FSD1L: variants seen among roughly 807,000 people sequenced by gnomAD.
FSD1L encodes FSD1-like protein.
In FSD1L, 45 loss-of-function variants were observed where a neutral mutation model predicts 71.6. The observed-to-expected ratio is 0.63, with a 90% CI of 0.49 to 0.81. The LOEUF is 0.81. Ranked by LOEUF, FSD1L falls within the 30% of genes least tolerant of loss-of-function variation. The probability of loss-of-function intolerance (pLI) is 0.00; values close to 1 mark genes in which losing one functional copy is unlikely to be tolerated. For missense variants in FSD1L, 561 were observed against 618.1 expected (o/e 0.91, Z 0.98); for synonymous variants, 197 against 207.2 (o/e 0.95, Z 0.42).
chr9:105,538,754 A>T (rs1836424990), intron 12 of FSD1L, among the ~76,000 whole-genome samples: 1 of 152,188 alleles, frequency 6.6e-6, no homozygotes, highest in Non-Finnish European at 1.5e-5. Context: ...TATACAAAAT[A>T]GCAAGACCCC....
chr9:105,523,364 T>C (rs1835306044), intron 10 of FSD1L: 2 of 1,604,214 alleles, frequency 1.2e-6, no homozygotes, highest in Non-Finnish European at 1.7e-6. Context: ...ATCTAGAAAT[T>C]AGTGAATTTC....
upstream of FSD1L, among the ~76,000 whole-genome samples, chr9:105,446,783 T>C (rs1282391551): frequency 6.7e-6 from 1 of 150,336 alleles, no homozygotes; most frequent in Non-Finnish European, 1.5e-5. Flanking sequence ...CCTTGCCCAC[T>C]ACTGAATTTT....
intron 10 of FSD1L, among the ~76,000 whole-genome samples, chr9:105,514,255 G>C (rs146648558): frequency 6.6e-5 from 10 of 152,156 alleles, no homozygotes; most frequent in Non-Finnish European, 1.5e-4. Flanking sequence ...TGATTTTATA[G>C]TGTATTATAA....
intron 7 of FSD1L, among the ~76,000 whole-genome samples, chr9:105,494,502 G>C (rs1168056141): frequency 6.6e-6 from 1 of 152,166 alleles, no homozygotes; most frequent in Non-Finnish European, 1.5e-5. Flanking sequence ...CTCTCAACTC[G>C]TCAAAGTCAT....
chr9:105,505,386 G>A (rs1833994202), intron 7 of FSD1L, among the ~76,000 whole-genome samples: 1 of 152,126 alleles, frequency 6.6e-6, no homozygotes, highest in South Asian at 2.1e-4. Context: ...TCAGCCTCAT[G>A]AGTAGCTGGG....
At chr9:105,497,188 G>A (rs762725093) in intron 7 of FSD1L, among the ~76,000 whole-genome samples, 6 of 152,072 alleles carry the variant, frequency 3.9e-5, no homozygotes, top group South Asian at 2.1e-4. Context: ...TTCAAATGTC[G>A]AACCAGCCTG....
chr9:105,488,312 G>C (rs552562999), intron 7 of FSD1L, among the ~76,000 whole-genome samples: 1 of 152,074 alleles, frequency 6.6e-6, no homozygotes, highest in African/African-American at 2.4e-5. Flanking sequence ...CTTTTACTTA[G>C]TAATATGCAT....
intron 10 of FSD1L, among the ~76,000 whole-genome samples, chr9:105,533,744 C>G (rs1836077023): frequency 6.7e-6 from 1 of 148,348 alleles, no homozygotes; most frequent in Admixed American, 6.8e-5. Flanking sequence ...TTTTTTAAGA[C>G]AGAGTTTTGC....
chr9:105,481,139 C>CTGTG (rs1564098251), intron 6 of FSD1L, among the ~76,000 whole-genome samples: 7 of 75,464 alleles, frequency 9.3e-5, no homozygotes, highest in African/African-American at 4.4e-4. Flanking sequence ...TTCAGGCAAA[C>CTGTG]TCTGTGTGTG....
At chr9:105,468,904 C>CT (rs1831252415) in intron 4 of FSD1L, among the ~76,000 whole-genome samples, 1 of 152,140 alleles carries the variant, frequency 6.6e-6, no homozygotes, top group Non-Finnish European at 1.5e-5. Flanking sequence ...GCAAGTGAAA[C>CT]TTTATGTCCC....
intron 10 of FSD1L, chr9:105,526,400 C>G (rs909410806): frequency 2.5e-6 from 4 of 1,613,288 alleles, no homozygotes; most frequent in East Asian, 2.2e-5. Context: ...CCCAGAGATT[C>G]TACCCAGTGA....
rs181951283 is a variant in FSD1L at position 105,460,828 on chromosome 9, G to A, written c.16-692G>A. 2.5e-3 allele frequency among the ~76,000 whole-genome samples: 384 copies of A among 152,286 alleles called. 2 individuals carry two copies. The highest frequency in any genetic ancestry group is 3.8e-3 in the Non-Finnish European group (258 of 68,028). On this transcript the variant is annotated intron_variant, in intron 1 of 13. Coordinates refer to ENST00000481272, the MANE Select transcript of FSD1L (RefSeq NM_001145313.3). ...CTCTAACCCAAAACATGAGTGAACG[G>A]TGTAAATTTCACAGGAGAGAGGAGT...
intron 1 of FSD1L, among the ~76,000 whole-genome samples, chr9:105,455,060 A>G (rs193076541): frequency 1.3e-5 from 2 of 152,336 alleles, no homozygotes; most frequent in East Asian, 3.9e-4. Flanking sequence ...CTGATTATCT[A>G]GCTAACAGCT....
intron 7 of FSD1L, among the ~76,000 whole-genome samples, chr9:105,489,501 T>A (rs1269166091): frequency 1.3e-5 from 2 of 152,132 alleles, no homozygotes; most frequent in South Asian, 2.1e-4. Flanking sequence ...GTTTTATGTT[T>A]TTTTATTTTA....
In FSD1L at chr9:105,491,559, G is replaced by A. The variant is rs563662598; in HGVS notation, c.586+7057G>A. ...TGTTGAATAGGAGTGGTGAGAGAGG[G>A]CATCCCTGTCTTGTGCCAGTTTTCA... On this transcript the variant is annotated intron_variant, in intron 7 of 13. Coordinates refer to ENST00000481272, the MANE Select transcript of FSD1L (RefSeq NM_001145313.3). Among the ~76,000 whole-genome samples, 1,355 of 152,038 alleles carry A rather than the reference G, an allele frequency of 8.9e-3. 17 individuals carry two copies. Among genetic ancestry groups the A allele is most frequent in the African/African-American group, 0.031 (1,293 of 41,402 alleles).
At chr9:105,496,202 CTTTTTT>C (rs542818608) in intron 7 of FSD1L, among the ~76,000 whole-genome samples, 1 of 113,222 alleles carries the variant, frequency 8.8e-6, no homozygotes, top group Non-Finnish European at 1.8e-5. Flanking sequence ...ATGACTGTAG[CTTTTTT>C]TTTTTTTTTT....
At chr9:105,516,065 A>G (rs1256919044) in intron 10 of FSD1L, among the ~76,000 whole-genome samples, 1 of 152,146 alleles carries the variant, frequency 6.6e-6, no homozygotes, top group African/African-American at 2.4e-5. Context: ...CTCATAGTGT[A>G]AACAAAGCTG....
chr9:105,525,322 A>C, intron 10 of FSD1L: 1 of 1,603,834 alleles, frequency 6.2e-7, no homozygotes, highest in South Asian at 1.1e-5. Context: ...GGGTGTTACT[A>C]GTCCTGAATG....
intron 10 of FSD1L, among the ~76,000 whole-genome samples, chr9:105,533,416 C>CTTTTTTTTCTTTTTTTTTTTTTT (rs1836035123): frequency 3.4e-5 from 1 of 29,070 alleles, no homozygotes; most frequent in Non-Finnish European, 6.0e-5. Flanking sequence ...CCATTTCCAT[C>CTTTTTTTTCTTTTTTTTTTTTTT]TTTTTTTTTT....
Sources: gnomAD v4.1 joint callset for allele counts (sites outside exome capture counted in the v4.1 genomes callset) on GRCh38, gnomAD v4.1.1 for gene constraint, MANE v1.5 for transcripts, NCBI Gene and HGNC (gene_info 2026-07-23, HGNC 2026-07-21) for gene names.